The following SLCO4A1 variants were observed in gnomAD, a reference collection of about 807,000 sequenced individuals.
The protein encoded by SLCO4A1 is colon organic anion transporter.
Under a neutral mutation model 64.6 loss-of-function variants are expected in SLCO4A1, and 51 were observed. The ratio of observed to expected loss-of-function variants is 0.79; its 90% CI spans 0.63 to 1.00. SLCO4A1 has a LOEUF of 1.00. Among genes scored for constraint, SLCO4A1 ranks in the 50% least tolerant of loss-of-function variants. The pLI is 0.00. For missense variants in SLCO4A1, 919 were observed against 980.5 expected (o/e 0.94, Z 0.84); for synonymous variants, 471 against 444.9 (o/e 1.06, Z -0.74).
Position 62,656,964 on chromosome 20 carries a change from G to A in SLCO4A1, c.510G>A (p.Pro170=), listed in dbSNP as rs200742188. Residue 170 remains proline, a synonymous_variant, in exon 2 of 12, where the codon CCG becomes CCA. Coordinates refer to ENST00000217159, the MANE Select transcript of SLCO4A1 (RefSeq NM_016354.4). ...VSYFGGSGHK[P]RWLGWGVLLM... ...ACTTCGGGGGCTCAGGGCACAAGCC[G>A]CGCTGGCTGGGCTGGGGCGTGCTGC... 6.5e-5 allele frequency: 101 copies of A among 1,564,368 alleles called. No individual in the cohort carries two copies. The East Asian group carries it at 1.8e-3, about 27-fold the overall frequency.
downstream of SLCO4A1, among the ~76,000 whole-genome samples, chr20:62,674,605 C>G: frequency 6.6e-6 from 1 of 152,148 alleles, no homozygotes; most frequent in East Asian, 1.9e-4. Flanking sequence ...TCTGAGCGGC[C>G]CTGTGTGTTC....
downstream of SLCO4A1, among the ~76,000 whole-genome samples, chr20:62,673,038 C>T (rs372460153): frequency 4.2e-5 from 6 of 143,550 alleles, no homozygotes; most frequent in African/African-American, 1.2e-4. Flanking sequence ...GGGTACAATC[C>T]GGTGCTGGTG....
chr20:62,670,509 G>A (rs982877598), intron 11 of SLCO4A1, among the ~76,000 whole-genome samples: 9 of 152,224 alleles, frequency 5.9e-5, no homozygotes, highest in South Asian at 2.1e-4. Context: ...AGCCGGAGGC[G>A]CCTCCTTCAG....
downstream of SLCO4A1, among the ~76,000 whole-genome samples, chr20:62,674,098 G>A (rs114944840): frequency 6.6e-6 from 1 of 152,314 alleles, no homozygotes; most frequent in African/African-American, 2.4e-5. Context: ...AGAGTCCCAC[G>A]AGACCATTTC....
intron 4 of SLCO4A1, 71 bp from the exon 5 acceptor site, chr20:62,660,993 A>G: frequency 9.6e-7 from 1 of 1,040,672 alleles, no homozygotes. Flanking sequence ...GTGGGGGCAG[A>G]GCCTCTCTCG....
rs1421611701 is a variant in SLCO4A1 at position 62,685,019 on chromosome 20, A to G, written n.212-422A>G. 1.3e-5 allele frequency among the ~76,000 whole-genome samples: 2 copies of G among 152,088 alleles called. No individual in the cohort carries two copies. The highest frequency in any genetic ancestry group is 4.8e-5 in the African/African-American group (2 of 41,394). On this transcript the variant is annotated intron_variant and non_coding_transcript_variant, in intron 2 of 2. Coordinates refer to the SLCO4A1 transcript ENST00000466818. The surrounding 1 kb of genome is among the most constrained non-coding windows in gnomAD (Gnocchi z 4.6). The stretch of plus-strand genomic sequence containing the variant: ...CAGGGGCTCCTGCAGCACCTCAGAG[A>G]GACCAGTAATGGGGCGGATTAGCAG...
downstream of SLCO4A1, among the ~76,000 whole-genome samples, chr20:62,685,968 C>G (rs1015681641): frequency 3.3e-5 from 5 of 152,210 alleles, no homozygotes; most frequent in East Asian, 1.9e-4. The surrounding 1 kb of genome is among the most constrained non-coding windows in gnomAD (Gnocchi z 4.6). Flanking sequence ...ACTCCCATCT[C>G]TGATGACAGA....
chr20:62,665,675 T>A (rs6011498), intron 6 of SLCO4A1, among the ~76,000 whole-genome samples: 3,111 of 151,290 alleles, frequency 0.021, 93 homozygotes, highest in African/African-American at 0.07. Flanking sequence ...CTCCCCTCCC[T>A]CCCCCACAGG....
chr20:62,648,855 G>A (rs564539618), intron 1 of SLCO4A1: 1 of 152,422 alleles, frequency 6.6e-6, no homozygotes, highest in South Asian at 2.1e-4. Context: ...TTTGCACCCA[G>A]CTCTCGAGTG....
downstream of SLCO4A1, among the ~76,000 whole-genome samples, chr20:62,673,115 G>T (rs1987398554): frequency 7.0e-6 from 1 of 143,162 alleles, no homozygotes; most frequent in South Asian, 2.2e-4. Flanking sequence ...GGCTCACCAG[G>T]ACGCTTGTGT....
At chr20:62,689,344 T>TCGCAGGCC (rs1988161426), downstream of SLCO4A1, among the ~76,000 whole-genome samples, 1 of 122,886 alleles carries the variant, frequency 8.1e-6, no homozygotes, top group Non-Finnish European at 1.8e-5. Context: ...GGCCTGTCTC[T>TCGCAGGCC]TGGGCAGAGT....
Position 62,663,905 on chromosome 20 carries a change from C to CTCAG in SLCO4A1, c.1122-1028_1122-1025dup, listed in dbSNP as rs1456117222. Among the ~76,000 whole-genome samples, 3 of 152,216 alleles carry CTCAG rather than the reference C, an allele frequency of 2.0e-5. No homozygotes were observed. The East Asian group carries it at 5.8e-4, about 29-fold the overall frequency. On this transcript the variant is annotated intron_variant, in intron 5 of 11. Coordinates refer to ENST00000217159, the MANE Select transcript of SLCO4A1 (RefSeq NM_016354.4). Reference sequence around the variant, plus strand: ...TTACACCATGCAACACGTTTTCCATCTCAGCATCTTATGCGCTTAAGCAGC... The same window carrying CTCAG: ...TTACACCATGCAACACGTTTTCCATCTCAGTCAGCATCTTATGCGCTTAAGCAGC...
chr20:62,648,670 T>G (rs1981867414), intron 1 of SLCO4A1, among the ~76,000 whole-genome samples: 1 of 152,192 alleles, frequency 6.6e-6, no homozygotes, highest in Admixed American at 6.5e-5. Flanking sequence ...ACAGGAGAGC[T>G]CAGCTGGTTC....
At chr20:62,689,335 G>T (rs1457530298), downstream of SLCO4A1, among the ~76,000 whole-genome samples, 1 of 151,154 alleles carries the variant, frequency 6.6e-6, no homozygotes, top group East Asian at 1.9e-4. Flanking sequence ...TGCCTCGCAG[G>T]CCTGTCTCTT....
chr20:62,671,987 A>C lies in SLCO4A1; in HGVS notation c.*94A>C. The C allele has an allele frequency of 6.3e-7, 1 of 1,597,046 alleles. No homozygotes were observed. Among genetic ancestry groups the C allele is most frequent in the Non-Finnish European group, 8.5e-7 (1 of 1,178,658 alleles). ...GTGATGCAATCACACGGGAACTTCT[A>C]TTTGACCTGCAACCTTCTACTTAAC... On this transcript the variant is annotated 3_prime_UTR_variant, in exon 12 of 12. Coordinates refer to ENST00000217159, the MANE Select transcript of SLCO4A1 (RefSeq NM_016354.4).
chr20:62,661,040 C>CCCCCCCCCCCCCCCCCACAA lies in SLCO4A1; in HGVS notation c.1010-23_1010-22insCCCCCCCCCCCCCCCACAAC. The CCCCCCCCCCCCCCCCCACAA allele has an allele frequency of 7.2e-7, 1 of 1,395,920 alleles. No individual in the cohort carries two copies. Among genetic ancestry groups the CCCCCCCCCCCCCCCCCACAA allele is most frequent in the Non-Finnish European group, 1.0e-6 (1 of 984,524 alleles). 86.5% of individuals were successfully genotyped at this position (1,395,920 alleles called of 1,614,324 possible). A position where few individuals can be genotyped will look rare whatever the true frequency, so the allele number is the denominator to read the frequency against. Reference sequence around the variant, plus strand: ...CTCCGGGAGCCCCCAGCCCCCAGCCCCAGCTCACTCTGTGCCCTTCCAGGC... The same window carrying CCCCCCCCCCCCCCCCCACAA: ...CTCCGGGAGCCCCCAGCCCCCAGCCCCCCCCCCCCCCCCCCCACAACAGCTCACTCTGTGCCCTTCCAGGC... On this transcript the variant is annotated intron_variant, in intron 4 of 11. Transcript: ENST00000217159. The surrounding 1 kb of genome is among the most constrained non-coding windows in gnomAD (Gnocchi z 5.2).
chr20:62,658,800 G>C (rs1984235314), intron 3 of SLCO4A1, 33 bp downstream of exon 3: 2 of 1,541,040 alleles, frequency 1.3e-6, no homozygotes, highest in African/African-American at 1.4e-5. Context: ...GCCTGCGCTG[G>C]AGAGGCCCAC....
intron 1 of SLCO4A1, among the ~76,000 whole-genome samples, chr20:62,648,101 C>A (rs148209243): frequency 6.6e-6 from 1 of 152,246 alleles, no homozygotes; most frequent in Non-Finnish European, 1.5e-5. Context: ...CATTATCCCC[C>A]GGCTGATCGC....
chr20:62,669,695 G>C (rs1476313822), intron 11 of SLCO4A1, among the ~76,000 whole-genome samples: 1 of 152,090 alleles, frequency 6.6e-6, no homozygotes, highest in African/African-American at 2.4e-5. Context: ...CGGTCCCACG[G>C]CCAGCTGTTC....
Sources: gnomAD v4.1 joint callset for allele counts (sites outside exome capture counted in the v4.1 genomes callset) on GRCh38, gnomAD v4.1.1 for gene constraint, Gnocchi (gnomAD v3.1) non-coding constraint, MANE v1.5 for transcripts, NCBI Gene and HGNC (gene_info 2026-07-23, HGNC 2026-07-21) for gene names.